The following ROBO2 variants were observed in gnomAD, a reference collection of about 807,000 sequenced individuals.
ROBO2 encodes the protein roundabout homolog 2.
ROBO2 carries 53 observed loss-of-function variants against 160.8 expected under a neutral mutation model. The ratio of observed to expected loss-of-function variants is 0.33; its 90% confidence interval spans 0.26 to 0.41. The LOEUF (loss-of-function observed/expected upper bound fraction) is 0.41. ROBO2 is among the 10% of genes least tolerant of loss of function. ROBO2 has a pLI of 1.00. For synonymous variants in ROBO2, 664 were observed against 611.7 expected, an observed-to-expected ratio of 1.09 and a Z score of -1.26; for missense variants, 1,577 against 1,722.4, an observed-to-expected ratio of 0.92 and a Z score of 1.49.
At chr3:77,364,988 T>G (rs1581370080) in intron 2 of ROBO2, among the ~76,000 whole-genome samples, 1 of 151,844 alleles carries the variant, frequency 6.6e-6, no homozygotes, top group East Asian at 1.9e-4. Context: ...CCACTAAAAA[T>G]ACAAAAATTA....
At chr3:76,361,363 A>C (rs1181139635) in intron 2 of ROBO2, among the ~76,000 whole-genome samples, 1 of 152,096 alleles carries the variant, frequency 6.6e-6, no homozygotes, top group Non-Finnish European at 1.5e-5. Flanking sequence ...TTGCTGAGAA[A>C]ATAACAGAAA....
At chr3:77,366,709 A>G (rs1247696035) in intron 2 of ROBO2, among the ~76,000 whole-genome samples, 4 of 152,062 alleles carry the variant, frequency 2.6e-5, no homozygotes, top group African/African-American at 9.7e-5. Flanking sequence ...GCTTCCACTT[A>G]TGGCAGAAGG....
intron 2 of ROBO2, among the ~76,000 whole-genome samples, chr3:76,553,374 T>G (rs563251541): frequency 2.3e-4 from 35 of 152,278 alleles, no homozygotes; most frequent in Admixed American, 2.1e-3. Context: ...ATATGTCACA[T>G]GCTACCCGGT....
intron 2 of ROBO2, among the ~76,000 whole-genome samples, chr3:76,524,519 G>C (rs2081821480): frequency 6.6e-6 from 1 of 151,662 alleles, no homozygotes; most frequent in South Asian, 2.1e-4. Context: ...TAACTATAAT[G>C]GTTTGGGTTA....
intron 2 of ROBO2, among the ~76,000 whole-genome samples, chr3:76,815,805 CA>C (rs1306458747): frequency 6.6e-6 from 1 of 151,972 alleles, no homozygotes; most frequent in African/African-American, 2.4e-5. Flanking sequence ...GGCTTCAGTC[CA>C]TTGTTCCCTT....
At chr3:76,660,272 T>A (rs1231230787) in intron 2 of ROBO2, among the ~76,000 whole-genome samples, 2 of 152,192 alleles carry the variant, frequency 1.3e-5, no homozygotes, top group African/African-American at 4.8e-5. Context: ...AGATTAGAAA[T>A]GTTAAATGTG....
At chr3:77,544,606 G>T (rs535352900) in intron 6 of ROBO2, among the ~76,000 whole-genome samples, 1 of 152,176 alleles carries the variant, frequency 6.6e-6, no homozygotes, top group Admixed American at 6.5e-5. Flanking sequence ...ATGAAGAATT[G>T]GTTGCGTGTT....
In ROBO2 at chr3:76,123,763, ACT is replaced by A. The variant is rs556162148; in HGVS notation, c.109+186166_109+186167del. 2.2e-4 allele frequency among the ~76,000 whole-genome samples: 34 copies of A among 151,888 alleles called. 1 individual carries two copies. The South Asian group carries it at 6.7e-3, about 30-fold the overall frequency. ...CTAATGTACTTGGTGCTTAGTTCAC[ACT>A]CTCTGGTGTATTAGCTTCGTCTTAC... On this transcript the variant is annotated intron_variant, in intron 2 of 26. Coordinates refer to the ROBO2 transcript ENST00000487694.
chr3:76,791,085 A>G (rs947204545), intron 2 of ROBO2, among the ~76,000 whole-genome samples: 1 of 151,838 alleles, frequency 6.6e-6, no homozygotes, highest in African/African-American at 2.4e-5. Flanking sequence ...TCTGATGAAC[A>G]TAAGAGGAAA....
At chr3:76,927,579 A>T in intron 2 of ROBO2, among the ~76,000 whole-genome samples, 1 of 152,224 alleles carries the variant, frequency 6.6e-6, no homozygotes, top group East Asian at 1.9e-4. Flanking sequence ...ATACCATTTT[A>T]TATCAACAAC....
At chr3:77,251,531 A>G (rs1205851695) in intron 2 of ROBO2, among the ~76,000 whole-genome samples, 1 of 152,146 alleles carries the variant, frequency 6.6e-6, no homozygotes, top group Admixed American at 6.5e-5. Flanking sequence ...TATCCTGATG[A>G]AGAGAATCTG....
chr3:76,825,603 CAAAAAAAAAAAAAAA>C (rs201063990), intron 2 of ROBO2, among the ~76,000 whole-genome samples: 88 of 72,458 alleles, frequency 1.2e-3, no homozygotes, highest in Non-Finnish European at 1.5e-3. Context: ...TCATCTTAGC[CAAAAAAAAAAAAAAA>C]AAAAAAAAAA....
At chr3:77,091,727 C>T (rs954287810) in intron 1 of ROBO2, among the ~76,000 whole-genome samples, 2 of 151,970 alleles carry the variant, frequency 1.3e-5, no homozygotes, top group African/African-American at 2.4e-5. Flanking sequence ...GCCTGTAATC[C>T]CAGCACTTCT....
intron 2 of ROBO2, among the ~76,000 whole-genome samples, chr3:76,210,813 G>A (rs530499984): frequency 3.7e-4 from 57 of 152,154 alleles, no homozygotes; most frequent in Non-Finnish European, 6.5e-4. Context: ...TAAGATGCAG[G>A]ATTCTTATTT....
intron 2 of ROBO2, among the ~76,000 whole-genome samples, chr3:76,673,496 C>T (rs1362798456): frequency 3.3e-5 from 5 of 152,156 alleles, no homozygotes; most frequent in Non-Finnish European, 5.9e-5. Flanking sequence ...GATTTAAATA[C>T]GCTTCTATGC....
At chr3:77,233,056 A>C (rs114266536) in intron 2 of ROBO2, among the ~76,000 whole-genome samples, 2,234 of 152,308 alleles carry the variant, frequency 0.015, 67 homozygotes, top group African/African-American at 0.05. Flanking sequence ...CAGGTGGAAT[A>C]CATTTAGTCT....
chr3:76,054,793 G>A (rs763533394), intron 2 of ROBO2, among the ~76,000 whole-genome samples: 5 of 152,194 alleles, frequency 3.3e-5, no homozygotes, highest in Middle Eastern at 3.2e-3. Context: ...GGAGAGAAGA[G>A]CAGAGATTTT....
chr3:77,504,399 T>G (rs2088149312), intron 5 of ROBO2, among the ~76,000 whole-genome samples: 1 of 148,748 alleles, frequency 6.7e-6, no homozygotes, highest in African/African-American at 2.5e-5. Flanking sequence ...AGTTAAGACA[T>G]TCAGTGCAGT....
intron 2 of ROBO2, among the ~76,000 whole-genome samples, chr3:77,312,235 TA>T (rs1182381787): frequency 6.6e-6 from 1 of 151,412 alleles, no homozygotes; most frequent in African/African-American, 2.5e-5. Flanking sequence ...TAAAAACAGT[TA>T]GAAGTTTTGT....
Sources: gnomAD v4.1 joint callset for allele counts (sites outside exome capture counted in the v4.1 genomes callset) on GRCh38, gnomAD v4.1.1 for gene constraint, MANE v1.5 for transcripts, NCBI Gene and HGNC (gene_info 2026-07-23, HGNC 2026-07-21) for gene names.